Variants in FAT4 observed in about 807,000 individuals in gnomAD.
The protein encoded by FAT4 is FAT atypical cadherin 4.
Under a neutral mutation model 303.9 loss-of-function variants are expected in FAT4, and 84 were observed. The observed-to-expected ratio is 0.28, with a 90% CI of 0.23 to 0.33. The LOEUF (loss-of-function observed/expected upper bound fraction) is 0.33. Among genes scored for constraint, FAT4 ranks in the 10% least tolerant of loss-of-function variants. The pLI is 1.00. For synonymous variants in FAT4, 2,307 were observed against 2,298.8 expected, an observed-to-expected ratio of 1.00 and a Z score of -0.10; for missense variants, 6,005 against 6,146.8, an observed-to-expected ratio of 0.98 and a Z score of 0.77.
chr4:125,450,033 C>G lies in FAT4; in HGVS notation c.9023C>G (p.Thr3008Arg). The change falls in exon 10 of 18, where the codon ACA (threonine) becomes AGA (arginine). Residue 3008 changes from threonine (T) to arginine (R), a missense_variant. By Grantham distance (71) the Thr-to-Arg change is moderately conservative. Transcript: ENST00000394329. ...VKVGTKLIRVTAIDDKDFGLN... is the reference protein window; with the variant it reads ...VKVGTKLIRVRAIDDKDFGLN... ...GTTGGTACGAAGTTAATCAGAGTTA[C>G]AGCAATAGATGACAAAGATTTTGGA... 6 of 1,613,954 alleles carry G rather than the reference C, an allele frequency of 3.7e-6. No homozygotes were observed. The South Asian group carries it at 6.6e-5, about 18-fold the overall frequency.
Position 125,408,721 on chromosome 4 carries a change from C to T in FAT4, c.5847C>T (p.Tyr1949=), listed in dbSNP as rs371523280. 3 of 1,611,050 alleles carry T rather than the reference C, an allele frequency of 1.9e-6. No homozygotes were observed. Among genetic ancestry groups the T allele is most frequent in the Non-Finnish European group, 2.5e-6 (3 of 1,177,900 alleles). The change falls in exon 5 of 18, where the codon TAC becomes TAT. Residue 1949 remains tyrosine, a synonymous_variant. Transcript: ENST00000394329. ...CACCTATTTTCAGCTTGAATTCATA[C>T]AGCACATCTTTAATGGAGAATCTAC... ...DNPPIFSLNS[Y]STSLMENLPV...
Position 125,428,633 on chromosome 4 carries a change from C to T in FAT4, c.7019-5612C>T, listed in dbSNP as rs117240989. ...TGAAAACTGAAGAAGAATTTTATCA[C>T]TTTTTCCATGTTTATGTTATATTTA... On this transcript the variant is annotated intron_variant, in intron 7 of 17. Coordinates refer to ENST00000394329, the MANE Select transcript of FAT4 (RefSeq NM_001291303.3). 1.5e-4 allele frequency among the ~76,000 whole-genome samples: 23 copies of T among 152,192 alleles called. No homozygotes were observed. The East Asian group carries it at 4.5e-3, about 29-fold the overall frequency.
At chr4:125,457,793 A>G (rs1221481424) in intron 10 of FAT4, among the ~76,000 whole-genome samples, 1 of 152,090 alleles carries the variant, frequency 6.6e-6, no homozygotes, top group Non-Finnish European at 1.5e-5. Context: ...GCCTCAGTGA[A>G]TAAAAACTAT....
rs188978274 is a variant in FAT4, at chr4:125,331,594, T to C, written c.5175+10008T>C. Among the ~76,000 whole-genome samples the C allele has an allele frequency of 3.3e-5, 5 of 152,230 alleles. No homozygotes were observed. The East Asian group carries it at 7.7e-4, about 24-fold the overall frequency. ...TGGTAAAGTAGAACATTTTAGAAAA[T>C]ATATATCACAGTGTATGCTACACCA... On this transcript the variant is annotated intron_variant, in intron 2 of 17. Transcript: ENST00000394329.
chr4:125,398,479 TG>T (rs1234469488), intron 2 of FAT4, among the ~76,000 whole-genome samples: 2 of 152,178 alleles, frequency 1.3e-5, no homozygotes, highest in African/African-American at 2.4e-5. Context: ...AGTTCCATAG[TG>T]ATGTGCAAAT....
rs189887289 is a variant in FAT4 at position 125,446,643 on chromosome 4, T to C, written c.7450+100T>C. 28 of 1,225,798 alleles carry C rather than the reference T, an allele frequency of 2.3e-5. No individual in the cohort carries two copies. In the Admixed American group the frequency reaches 7.2e-4, roughly 32 times the overall value. 75.9% of individuals were successfully genotyped at this position (1,225,798 alleles called of 1,614,324 possible). On this transcript the variant is annotated intron_variant, in intron 9 of 17. Coordinates refer to ENST00000394329, the MANE Select transcript of FAT4 (RefSeq NM_001291303.3). ...ATATTTTACATACATATTTCTGATA[T>C]AGCCTAATTTTGCAAATCCTCTAAA...
Position 125,448,758 on chromosome 4 carries a change from C to A in FAT4, c.7748C>A (p.Pro2583Gln). ...ACGTTCATGTTTCCTGAAAACCAAC[C>A]AGTCAGCTCTCTTGTCACCACCATC... ...EQTFMFPENQPVSSLVTTITG... is the reference protein window; with the variant it reads ...EQTFMFPENQQVSSLVTTITG... The change falls in exon 10 of 18, where the codon CCA becomes CAA. Residue 2583 changes from proline to glutamine, a missense_variant. Transcript: ENST00000394329. 1 of 1,612,774 alleles carries A rather than the reference C, an allele frequency of 6.2e-7. No homozygotes were observed. Among genetic ancestry groups the A allele is most frequent in the Non-Finnish European group, 8.5e-7 (1 of 1,179,904 alleles).
At chr4:125,343,150 C>T (rs1476907872) in intron 2 of FAT4, among the ~76,000 whole-genome samples, 23 of 151,904 alleles carry the variant, frequency 1.5e-4, no homozygotes, top group Admixed American at 1.5e-3. Flanking sequence ...TTTATAAGGC[C>T]TCAATTTTTT....
Position 125,490,751 on chromosome 4 carries a change from C to T in FAT4, c.13935C>T (p.Arg4645=). Residue 4645 remains arginine (R), a synonymous_variant, in exon 18 of 18, where the codon CGC becomes CGT. Transcript: ENST00000394329. ...ADIIQHYKQF[R]SHTPKFSIQR... is the part of the protein sequence containing the mutation. ...TCATTCAACACTACAAGCAGTTCCG[C>T]AGCCACACACCAAAATTTTCAATCC... The T allele has an allele frequency of 1.2e-6, 2 of 1,614,100 alleles. No homozygotes were observed. The highest frequency in any genetic ancestry group is 1.7e-6 in the Non-Finnish European group (2 of 1,180,036).
intron 2 of FAT4, among the ~76,000 whole-genome samples, chr4:125,384,631 C>T (rs564079038): frequency 6.6e-6 from 1 of 152,008 alleles, no homozygotes; most frequent in East Asian, 1.9e-4. Context: ...TAATGTCCTT[C>T]AAAGCAAAAA....
chr4:125,416,631 A>G lies in FAT4; in HGVS notation c.7018+9A>G, dbSNP rs778593984. ...TACAGCTACAGATTCAGGTAAGTCC[A>G]TTACACCCTTGTTCATTTGTAGATA... On this transcript the variant is annotated intron_variant, in intron 7 of 17. Coordinates refer to ENST00000394329, the MANE Select transcript of FAT4 (RefSeq NM_001291303.3). 3.7e-6 allele frequency: 6 copies of G among 1,612,626 alleles called. No homozygotes were observed. Among genetic ancestry groups the G allele is most frequent in the Admixed American group, 3.3e-5 (2 of 59,888 alleles).
chr4:125,421,186 G>A (rs539745295), intron 7 of FAT4, among the ~76,000 whole-genome samples: 3 of 152,130 alleles, frequency 2.0e-5, no homozygotes, highest in Non-Finnish European at 2.9e-5. Context: ...GCCTCCCAAA[G>A]TGCTAGGCGT....
intron 7 of FAT4, among the ~76,000 whole-genome samples, chr4:125,431,742 T>C (rs1449318759): frequency 6.6e-6 from 1 of 152,140 alleles, no homozygotes; most frequent in African/African-American, 2.4e-5. Flanking sequence ...CTGCATCTCC[T>C]CCCATCCTTT....
intron 4 of FAT4, among the ~76,000 whole-genome samples, 155 bp downstream of exon 4, chr4:125,407,296 A>G (rs1429415278): frequency 2.6e-5 from 4 of 152,124 alleles, no homozygotes; most frequent in Admixed American, 1.3e-4. Flanking sequence ...CTTTTCATTA[A>G]CGATCTTTGG....
At chr4:125,337,958 C>T (rs572556236) in intron 2 of FAT4, among the ~76,000 whole-genome samples, 1 of 152,108 alleles carries the variant, frequency 6.6e-6, no homozygotes, top group African/African-American at 2.4e-5. Flanking sequence ...AGAAACAAAA[C>T]TTAAAAATGC....
chr4:125,448,821 A>G lies in FAT4; in HGVS notation c.7811A>G (p.Tyr2604Cys). The G allele has an allele frequency of 6.2e-7, 1 of 1,609,132 alleles. No individual in the cohort carries two copies. Among genetic ancestry groups the G allele is most frequent in the Non-Finnish European group, 8.5e-7 (1 of 1,179,844 alleles). ...SSLRGEPMSYYIASGNLGNTF... is the reference protein window; with the variant it reads ...SSLRGEPMSYCIASGNLGNTF... Reference sequence around the variant, plus strand: ...TTAAGAGGAGAACCTATGTCATATTATATCGCAAGTGGGAATCTTGGCAAT... The same window carrying G: ...TTAAGAGGAGAACCTATGTCATATTGTATCGCAAGTGGGAATCTTGGCAAT... Residue 2604 changes from tyrosine (Y) to cysteine (C), a missense_variant, in exon 10 of 18, where the codon TAT becomes TGT. Tyr to Cys is a radical substitution (Grantham distance 194). Transcript: ENST00000394329.
At position 125,487,346 on chromosome 4, in the gene FAT4, T is replaced by C. The variant is rs765798537; in HGVS notation, c.12824T>C (p.Ile4275Thr). 1 of 1,610,190 alleles carries C rather than the reference T, an allele frequency of 6.2e-7. No individual in the cohort carries two copies. Among genetic ancestry groups the C allele is most frequent in the Non-Finnish European group, 8.5e-7 (1 of 1,177,130 alleles). The change falls in exon 17 of 18, where the codon ATT (isoleucine) becomes ACT (threonine). Residue 4275 changes from isoleucine (I) to threonine (T), a missense_variant and splice_region_variant. Transcript: ENST00000394329. ...TACTATTTTTAATATGTTTTACAGA[T>C]TAAGAATGGCAAAGTATATTTTACA... ...QESSNYTTVKIKNGKVYFTSD... is the reference protein window; with the variant it reads ...QESSNYTTVKTKNGKVYFTSD...
chr4:125,454,793 A>G (rs1296040459), intron 10 of FAT4, among the ~76,000 whole-genome samples: 1 of 152,200 alleles, frequency 6.6e-6, no homozygotes, highest in Non-Finnish European at 1.5e-5. Context: ...AGGTCGCGCC[A>G]TTGCACTCCA....
chr4:125,453,954 A>G (rs1013781206), intron 10 of FAT4, among the ~76,000 whole-genome samples: 4 of 152,170 alleles, frequency 2.6e-5, no homozygotes, highest in Non-Finnish European at 4.4e-5. Flanking sequence ...CAACCTATCT[A>G]TTAGTTAATC....
Sources: gnomAD v4.1 joint callset for allele counts (sites outside exome capture counted in the v4.1 genomes callset) on GRCh38, gnomAD v4.1.1 for gene constraint, MANE v1.5 for transcripts, NCBI Gene and HGNC (gene_info 2026-07-23, HGNC 2026-07-21) for gene names.